ITPR2: variants seen among roughly 807,000 people sequenced by gnomAD.
ITPR2 encodes the protein inositol 1,4,5-trisphosphate-gated calcium channel ITPR2.
Under a neutral mutation model 317.1 loss-of-function variants are expected in ITPR2, and 207 were observed. The ratio of observed to expected loss-of-function variants is 0.65; its 90% CI spans 0.58 to 0.73. The LOEUF (loss-of-function observed/expected upper bound fraction) is 0.73, where lower values mean the gene tolerates loss of function less well. Among genes scored for constraint, ITPR2 ranks in the 30% least tolerant of loss-of-function variants. The probability of loss-of-function intolerance (pLI) is 0.00; values close to 1 mark genes in which losing one functional copy is unlikely to be tolerated. For synonymous variants in ITPR2, 1,156 were observed against 1,149.1 expected (o/e 1.01, Z -0.12); for missense variants, 2,613 against 3,284.0 (o/e 0.80, Z 4.99).
At chr12:26,451,083 G>C (rs1439256447) in intron 45 of ITPR2, among the ~76,000 whole-genome samples, 1 of 152,024 alleles carries the variant, frequency 6.6e-6, no homozygotes, top group Non-Finnish European at 1.5e-5. Flanking sequence ...AACTGGAATG[G>C]AAAAAGAAAG....
At chr12:26,447,868 A>G (rs1482658520) in intron 45 of ITPR2, among the ~76,000 whole-genome samples, 1 of 152,002 alleles carries the variant, frequency 6.6e-6, no homozygotes, top group Non-Finnish European at 1.5e-5. Context: ...TATAAATGCA[A>G]TCTGATTTAA....
Position 26,703,871 on chromosome 12 carries a change from T to G in ITPR2, c.951+7302A>C, listed in dbSNP as rs1304754521. 2.6e-5 allele frequency among the ~76,000 whole-genome samples: 4 copies of G among 152,172 alleles called. No homozygotes were observed. The East Asian group carries it at 7.7e-4, about 29-fold the overall frequency. ...AGCAAAACAGATACAGGCCTTTCAT[T>G]GCAGGGAACAAAATAGCCATTGAAT... is the stretch of plus-strand genomic sequence containing the variant. On this transcript the variant is annotated intron_variant, in intron 9 of 56. Transcript: ENST00000381340.
chr12:26,363,162 A>G (rs746030944), intron 55 of ITPR2, among the ~76,000 whole-genome samples: 2 of 152,194 alleles, frequency 1.3e-5, no homozygotes, highest in Non-Finnish European at 2.9e-5. Flanking sequence ...GGTCACAGCA[A>G]CGGTGGTATT....
At chr12:26,518,859 C>T (rs906363419) in intron 37 of ITPR2, among the ~76,000 whole-genome samples, 3 of 151,856 alleles carry the variant, frequency 2.0e-5, no homozygotes, top group African/African-American at 7.3e-5. Context: ...ACTAAAGAAA[C>T]AGAAAAAAAT....
At chr12:26,642,105 G>C (rs939558623) in intron 21 of ITPR2, among the ~76,000 whole-genome samples, 4 of 152,138 alleles carry the variant, frequency 2.6e-5, no homozygotes, top group African/African-American at 7.2e-5. Flanking sequence ...CCTGCAAAAG[G>C]CTTGCTGCCT....
At position 26,419,222 on chromosome 12, in the gene ITPR2, A is replaced by C. The variant is rs372755798; in HGVS notation, c.6946-9T>G. 326 of 1,612,448 alleles carry C rather than the reference A, an allele frequency of 2.0e-4. No homozygotes were observed. The highest frequency in any genetic ancestry group is 2.7e-4 in the Non-Finnish European group (315 of 1,179,006). On this transcript the variant is annotated splice_polypyrimidine_tract_variant and intron_variant, in intron 49 of 56. Coordinates refer to ENST00000381340, the MANE Select transcript of ITPR2 (RefSeq NM_002223.4). The stretch of plus-strand genomic sequence containing the variant: ...ACAATTTTATTACAAAGCTAAAGGG[A>C]GGAAAGGGTTACAGATTACTGTCTT...
intron 49 of ITPR2, among the ~76,000 whole-genome samples, chr12:26,424,416 A>G (rs77457991): frequency 0.047 from 7,113 of 152,130 alleles, 235 homozygotes; most frequent in South Asian, 0.17. Flanking sequence ...TTCACCTCTT[A>G]CACAATGCAA....
intron 2 of ITPR2, among the ~76,000 whole-genome samples, chr12:26,749,179 G>A (rs527396388): frequency 6.6e-6 from 1 of 152,258 alleles, no homozygotes; most frequent in South Asian, 2.1e-4. Context: ...GGAAACTAGA[G>A]GAAGAAATTG....
intron 54 of ITPR2, among the ~76,000 whole-genome samples, chr12:26,396,864 T>C (rs2136644335): frequency 6.6e-6 from 1 of 152,342 alleles, no homozygotes; most frequent in African/African-American, 2.4e-5. Context: ...TACCATCCAC[T>C]TGGGCATCCC....
At chr12:26,391,013 C>A (rs1226466000) in intron 54 of ITPR2, among the ~76,000 whole-genome samples, 1 of 152,032 alleles carries the variant, frequency 6.6e-6, no homozygotes, top group African/African-American at 2.4e-5. Flanking sequence ...TAAAGAAGGG[C>A]AAAATGAACT....
intron 55 of ITPR2, among the ~76,000 whole-genome samples, chr12:26,350,599 C>A (rs1251671058): frequency 6.6e-6 from 1 of 152,050 alleles, no homozygotes; most frequent in Non-Finnish European, 1.5e-5. Flanking sequence ...GTGTGGATAC[C>A]AAGTGTGATG....
chr12:26,518,498 T>C, intron 37 of ITPR2, among the ~76,000 whole-genome samples: 1 of 151,676 alleles, frequency 6.6e-6, no homozygotes, highest in East Asian at 1.9e-4. Context: ...AACAAACACA[T>C]GTACCCCCGA....
At chr12:26,580,305 G>A in intron 32 of ITPR2, 150 bp from the exon 33 acceptor site, 1 of 640,158 alleles carries the variant, frequency 1.6e-6, no homozygotes. Context: ...ATTTCAGCCT[G>A]AAATCATGAT....
intron 37 of ITPR2, among the ~76,000 whole-genome samples, chr12:26,539,604 C>T (rs1944201959): frequency 6.6e-6 from 1 of 152,184 alleles, no homozygotes; most frequent in African/African-American, 2.4e-5. Flanking sequence ...TCATCTGCTC[C>T]AATCCCCCTT....
chr12:26,475,193 C>A (rs1018735881), intron 45 of ITPR2, 103 bp downstream of exon 45: 5 of 1,331,774 alleles, frequency 3.8e-6, no homozygotes, highest in Non-Finnish European at 5.3e-6. Context: ...ATGGTAAGTG[C>A]TGAATAAATG....
intron 48 of ITPR2, among the ~76,000 whole-genome samples, chr12:26,434,694 C>T (rs1265950339): frequency 6.6e-6 from 1 of 152,150 alleles, no homozygotes; most frequent in Non-Finnish European, 1.5e-5. Flanking sequence ...TAAGATATGT[C>T]ATTTTTTAGG....
intron 2 of ITPR2, among the ~76,000 whole-genome samples, chr12:26,760,855 A>T (rs1949618407): frequency 1.3e-5 from 2 of 152,238 alleles, no homozygotes; most frequent in African/African-American, 4.8e-5. Context: ...AGTCTGGTAA[A>T]GCTCATGGAA....
chr12:26,582,749 G>A (rs1945434614), intron 32 of ITPR2, among the ~76,000 whole-genome samples: 2 of 152,110 alleles, frequency 1.3e-5, no homozygotes, highest in African/African-American at 4.8e-5. Flanking sequence ...TGCTTGCTGG[G>A]CTGATCCTCT....
chr12:26,450,566 A>T (rs1941713974), intron 45 of ITPR2, among the ~76,000 whole-genome samples: 1 of 152,112 alleles, frequency 6.6e-6, no homozygotes, highest in South Asian at 2.1e-4. Flanking sequence ...CCCACATGAG[A>T]CTCAACTGTG....
Sources: allele counts gnomAD v4.1 joint callset (sites outside exome capture counted in the v4.1 genomes callset), GRCh38; gene constraint gnomAD v4.1.1; transcripts MANE v1.5; gene names NCBI Gene and HGNC (gene_info 2026-07-23, HGNC 2026-07-21).